The following DDX46 variants were observed in gnomAD, a reference collection of about 807,000 sequenced individuals.
DDX46 encodes the protein probable ATP-dependent RNA helicase DDX46.
In DDX46, 30 loss-of-function variants were observed where a neutral mutation model predicts 134.9. The ratio of observed to expected loss-of-function variants is 0.22; its 90% CI spans 0.17 to 0.30. The LOEUF (loss-of-function observed/expected upper bound fraction) is 0.30. Ranked by LOEUF, DDX46 falls within the 10% of genes least tolerant of loss-of-function variation. DDX46 has a pLI of 1.00. For missense variants in DDX46, 622 were observed against 1,248.7 expected, an observed-to-expected ratio of 0.50 and a Z score of 7.56; for synonymous variants, 415 against 404.1, an observed-to-expected ratio of 1.03 and a Z score of -0.32.
At chr5:134,812,848 G>C (rs1168883543) in intron 18 of DDX46, among the ~76,000 whole-genome samples, 1 of 152,158 alleles carries the variant, frequency 6.6e-6, no homozygotes, top group Non-Finnish European at 1.5e-5. Context: ...ATATTGGCCA[G>C]GTTGGTCTCA....
chr5:134,785,692 C>A (rs1233028354), intron 11 of DDX46, 106 bp downstream of exon 11: 4 of 1,306,928 alleles, frequency 3.1e-6, no homozygotes, highest in Admixed American at 2.5e-5. Context: ...GTGATTGCTT[C>A]TAAAATCATT....
chr5:134,810,489 C>T (rs1755112148), intron 16 of DDX46, among the ~76,000 whole-genome samples: 1 of 151,444 alleles, frequency 6.6e-6, no homozygotes, highest in Admixed American at 6.6e-5. Context: ...ACAGGCATGC[C>T]ACCACCACAC....
chr5:134,770,905 C>A lies in DDX46; in HGVS notation c.353C>A (p.Ser118Tyr). The A allele has an allele frequency of 6.3e-7, 1 of 1,575,428 alleles. No homozygotes were observed. Among genetic ancestry groups the A allele is most frequent in the South Asian group, 1.2e-5 (1 of 83,386 alleles). Residue 118 changes from serine to tyrosine, a missense_variant and splice_region_variant, in exon 4 of 23, where the codon TCT becomes TAT. Around this residue, in one of 8 missense-constraint regions of DDX46, gnomAD observed 244 missense variants for 349.3 expected, o/e 0.70. Coordinates refer to ENST00000452510, the MANE Select transcript of DDX46 (RefSeq NM_001300860.2). The part of the protein sequence containing the change: ...GNKSKKTENR[S>Y]RSKEKTDGGE... The stretch of plus-strand genomic sequence containing the variant: ...TGTCTCTTTTATTTTTTTGGTAGAT[C>A]TAGGTCCAAAGAGAAAACTGATGGT...
chr5:134,813,348 A>G (rs1273816594), intron 18 of DDX46, among the ~76,000 whole-genome samples: 1 of 152,254 alleles, frequency 6.6e-6, no homozygotes, highest in African/African-American at 2.4e-5. Flanking sequence ...TCAGGAAATC[A>G]GGAGCAGTTT....
At chr5:134,765,070 T>TA (rs1215916721) in intron 2 of DDX46, among the ~76,000 whole-genome samples, 17 of 150,438 alleles carry the variant, frequency 1.1e-4, no homozygotes, top group African/African-American at 3.9e-4. Flanking sequence ...TTTTTTTTTT[T>TA]AATTTATTTT....
intron 15 of DDX46, among the ~76,000 whole-genome samples, chr5:134,803,593 C>T (rs141522624): frequency 8.0e-4 from 122 of 152,258 alleles, no homozygotes; most frequent in Non-Finnish European, 1.5e-3. Flanking sequence ...AAATAGAATC[C>T]TCTACACTTT....
At chr5:134,804,182 T>TA (rs1306755910) in intron 15 of DDX46, among the ~76,000 whole-genome samples, 1 of 152,074 alleles carries the variant, frequency 6.6e-6, no homozygotes, top group African/African-American at 2.4e-5. Context: ...GCGCTGGAAT[T>TA]ACAGACGTGT....
At chr5:134,782,300 G>T (rs1395317101) in intron 8 of DDX46, among the ~76,000 whole-genome samples, 1 of 152,016 alleles carries the variant, frequency 6.6e-6, no homozygotes, top group East Asian at 1.9e-4. Flanking sequence ...GAGCTCAGAA[G>T]TTCGAGACCA....
In DDX46 at chr5:134,794,789, A is replaced by G. The variant is rs1007213102; in HGVS notation, c.1627-61A>G. The G allele has an allele frequency of 1.1e-5, 18 of 1,580,520 alleles. 1 individual carries two copies. In the Admixed American group the frequency reaches 2.7e-4, roughly 24 times the overall value. On this transcript the variant is annotated intron_variant, in intron 13 of 22. Coordinates refer to ENST00000452510, the MANE Select transcript of DDX46 (RefSeq NM_001300860.2). ...AAAGTTCCTTTTACTTGGTTTTAAC[A>G]TTGCATAAGCTTTGAAGACCATATT...
intron 15 of DDX46, among the ~76,000 whole-genome samples, chr5:134,805,898 C>T (rs535750618): frequency 8.5e-5 from 13 of 152,134 alleles, no homozygotes; most frequent in South Asian, 2.1e-4. Flanking sequence ...TCTTTGGGTG[C>T]GGGTTCTTAT....
At chr5:134,803,476 C>G (rs1349704961) in intron 15 of DDX46, among the ~76,000 whole-genome samples, 2 of 152,112 alleles carry the variant, frequency 1.3e-5, no homozygotes, top group African/African-American at 4.8e-5. Context: ...TGAACACTTT[C>G]TGGTGGTTTT....
At chr5:134,797,981 T>C (rs989605318) in intron 15 of DDX46, among the ~76,000 whole-genome samples, 4 of 151,966 alleles carry the variant, frequency 2.6e-5, no homozygotes, top group Non-Finnish European at 5.9e-5. Flanking sequence ...CCTGGCTAAT[T>C]TTGTATTTTT....
intron 11 of DDX46, 126 bp downstream of exon 11, chr5:134,785,712 A>G: frequency 8.7e-7 from 1 of 1,150,460 alleles, no homozygotes. Flanking sequence ...TTAAAAAATG[A>G]AGTATAAAAA....
intron 9 of DDX46, among the ~76,000 whole-genome samples, chr5:134,783,985 T>C (rs1474112995): frequency 1.3e-5 from 2 of 151,882 alleles, no homozygotes; most frequent in African/African-American, 2.4e-5. Context: ...GCGCCCTGCC[T>C]AATTTTTAAA....
At chr5:134,795,428 G>C (rs1157403006) in intron 14 of DDX46, among the ~76,000 whole-genome samples, 1 of 152,110 alleles carries the variant, frequency 6.6e-6, no homozygotes, top group Non-Finnish European at 1.5e-5. Context: ...CAAAACTTTT[G>C]TGCTGATTGT....
intron 18 of DDX46, among the ~76,000 whole-genome samples, chr5:134,813,305 A>G (rs1311415059): frequency 6.6e-6 from 1 of 152,216 alleles, no homozygotes; most frequent in Non-Finnish European, 1.5e-5. Flanking sequence ...AGGTTAAAGC[A>G]ATAAACACTT....
intron 1 of DDX46, 43 bp from the exon 2 acceptor site, chr5:134,763,861 C>G (rs1439436481): frequency 6.4e-7 from 1 of 1,552,746 alleles, no homozygotes; most frequent in African/African-American, 1.4e-5. Flanking sequence ...GTAATAGAAG[C>G]TAATGGTGTT....
chr5:134,768,226 C>A (rs1753642318), intron 3 of DDX46, among the ~76,000 whole-genome samples: 1 of 151,662 alleles, frequency 6.6e-6, no homozygotes, highest in African/African-American at 2.4e-5. Flanking sequence ...TCTCTTGCCT[C>A]AGCCTCCCGA....
rs199657679 is a variant in DDX46, at chr5:134,821,529, G to GT, written c.2977+2531dup. On this transcript the variant is annotated intron_variant, in intron 21 of 22. Transcript: ENST00000452510. ...CATTTTGATTTGCTCTTGTTTCTGGGTTTTTTGTTTTTTTTTTTTTTTGAG... is the reference window on the plus strand; with the variant it reads ...CATTTTGATTTGCTCTTGTTTCTGGGTTTTTTTGTTTTTTTTTTTTTTTGAG... 1.5e-3 allele frequency among the ~76,000 whole-genome samples: 215 copies of GT among 143,428 alleles called. 2 individuals carry two copies. Among genetic ancestry groups the GT allele is most frequent in the Middle Eastern group, 0.011 (3 of 274 alleles). The allele number at this position is 143,428 out of a possible 152,430, so 94.1% of individuals were successfully genotyped here. A position where few individuals can be genotyped will look rare whatever the true frequency, so the allele number is the denominator to read the frequency against.
Sources: gnomAD v4.1 joint callset for allele counts (sites outside exome capture counted in the v4.1 genomes callset) on GRCh38, gnomAD v4.1.1 for gene constraint, gnomAD v4.1.1 regional missense constraint, MANE v1.5 for transcripts, NCBI Gene and HGNC (gene_info 2026-07-23, HGNC 2026-07-21) for gene names.